ARB2A: variants seen among roughly 807,000 people sequenced by gnomAD.
The protein encoded by ARB2A is cotranscriptional regulator ARB2A.
chr5:93,923,251 C>T, the ARB2A span, among the ~76,000 whole-genome samples: 2 of 152,032 alleles, frequency 1.3e-5, no homozygotes, highest in African/African-American at 2.4e-5. Context: ...TAATACTATA[C>T]AAAACGTGTG....
chr5:94,109,028 A>C, the ARB2A span, among the ~76,000 whole-genome samples: 3 of 152,248 alleles, frequency 2.0e-5, no homozygotes, highest in Non-Finnish European at 4.4e-5. Flanking sequence ...CAACCCAAGC[A>C]TCCATGGATG....
the ARB2A span, among the ~76,000 whole-genome samples, chr5:93,951,020 T>C: frequency 6.6e-6 from 1 of 151,544 alleles, no homozygotes; most frequent in Non-Finnish European, 1.5e-5. Flanking sequence ...ATAAAAGCCA[T>C]TTTAACTGGA....
At chr5:94,088,832 T>C in the ARB2A span, among the ~76,000 whole-genome samples, 1 of 152,210 alleles carries the variant, frequency 6.6e-6, no homozygotes, top group Non-Finnish European at 1.5e-5. Context: ...AATGCTGGGC[T>C]AAGGGGCAGT....
chr5:93,810,007 G>T, the ARB2A span, among the ~76,000 whole-genome samples: 6 of 152,006 alleles, frequency 3.9e-5, no homozygotes, highest in Non-Finnish European at 8.8e-5. Flanking sequence ...GAGATCAATT[G>T]TACAATGTGT....
chr5:93,794,304 T>G, the ARB2A span, among the ~76,000 whole-genome samples: 1 of 152,006 alleles, frequency 6.6e-6, no homozygotes, highest in Non-Finnish European at 1.5e-5. Flanking sequence ...TCTATTTCAC[T>G]GAAGAACTTT....
chr5:94,046,476 T>C, the ARB2A span, among the ~76,000 whole-genome samples: 1 of 152,062 alleles, frequency 6.6e-6, no homozygotes, highest in African/African-American at 2.4e-5. Context: ...TTGGAACTCA[T>C]ACCCACCAGG....
At chr5:93,893,981 T>C in the ARB2A span, among the ~76,000 whole-genome samples, 1 of 152,160 alleles carries the variant, frequency 6.6e-6, no homozygotes, top group Admixed American at 6.6e-5. Context: ...CAGCTAAACT[T>C]TTTTCAAAAT....
At chr5:93,937,952 A>AT in the ARB2A span, among the ~76,000 whole-genome samples, 3 of 151,894 alleles carry the variant, frequency 2.0e-5, no homozygotes, top group Non-Finnish European at 2.9e-5. Context: ...ATTTAAAAAA[A>AT]TTTTTTTTTG....
At chr5:94,017,915 C>T in the ARB2A span, among the ~76,000 whole-genome samples, 4 of 152,058 alleles carry the variant, frequency 2.6e-5, no homozygotes, top group Admixed American at 6.6e-5. Flanking sequence ...TCATGGAGGC[C>T]GTTCTTTTCC....
At chr5:93,875,715 C>T in the ARB2A span, among the ~76,000 whole-genome samples, 5 of 151,486 alleles carry the variant, frequency 3.3e-5, no homozygotes, top group African/African-American at 9.7e-5. Flanking sequence ...AAAACATTTA[C>T]AATAATACAT....
chr5:94,007,160 T>A, the ARB2A span, among the ~76,000 whole-genome samples: 1 of 152,164 alleles, frequency 6.6e-6, no homozygotes, highest in Non-Finnish European at 1.5e-5. Flanking sequence ...ATCTATAGAT[T>A]TTAGATTGGG....
the ARB2A span, among the ~76,000 whole-genome samples, chr5:93,691,278 GA>G: frequency 6.6e-6 from 1 of 151,834 alleles, no homozygotes. Context: ...TAAGAACCTT[GA>G]AAAAAGGTTA....
chr5:93,827,814 T>C, the ARB2A span, among the ~76,000 whole-genome samples: 1 of 151,934 alleles, frequency 6.6e-6, no homozygotes, highest in Non-Finnish European at 1.5e-5. Flanking sequence ...TTTCTACATA[T>C]GGCTAGCCAG....
At chr5:94,023,710 A>C in the ARB2A span, among the ~76,000 whole-genome samples, 3 of 152,176 alleles carry the variant, frequency 2.0e-5, no homozygotes, top group African/African-American at 7.2e-5. Flanking sequence ...ATCTACTACA[A>C]AGGATATCAT....
chr5:94,103,251 C>CG, the ARB2A span, among the ~76,000 whole-genome samples: 4 of 152,020 alleles, frequency 2.6e-5, no homozygotes, highest in Non-Finnish European at 5.9e-5. Flanking sequence ...CATGACCTAA[C>CG]TACATACTAT....
chr5:93,724,935 C>T, the ARB2A span, among the ~76,000 whole-genome samples: 14 of 152,076 alleles, frequency 9.2e-5, 1 homozygote, highest in South Asian at 1.9e-3. Flanking sequence ...ACAGCTGATA[C>T]AATAACTGAG....
chr5:93,891,799 C>T, the ARB2A span, among the ~76,000 whole-genome samples: 2 of 152,056 alleles, frequency 1.3e-5, no homozygotes, highest in Admixed American at 6.6e-5. Flanking sequence ...CCAGAGCATT[C>T]GGGAAATGTT....
the ARB2A span, among the ~76,000 whole-genome samples, chr5:94,102,538 C>T: frequency 6.6e-6 from 1 of 152,030 alleles, no homozygotes; most frequent in African/African-American, 2.4e-5. Flanking sequence ...ACAGACCAAA[C>T]ATATGACACA....
chr5:93,685,770 T>G, the ARB2A span, among the ~76,000 whole-genome samples: 3 of 152,146 alleles, frequency 2.0e-5, no homozygotes, highest in Non-Finnish European at 4.4e-5. Context: ...TTCTTTCTAT[T>G]TTCTTCTCTC....
Sources: allele counts gnomAD v4.1 joint callset (sites outside exome capture counted in the v4.1 genomes callset), GRCh38; gene constraint gnomAD v4.1.1; transcripts MANE v1.5; gene names NCBI Gene and HGNC (gene_info 2026-07-23, HGNC 2026-07-21).